Variants in GPAT4 observed in about 807,000 individuals in gnomAD.
GPAT4 encodes the protein glycerol-3-phosphate acyltransferase 4.
GPAT4 carries 17 observed loss-of-function variants against 58.0 expected under a neutral mutation model. The observed-to-expected ratio is 0.29, with a 90% CI of 0.20 to 0.44. The LOEUF (loss-of-function observed/expected upper bound fraction) is 0.44. GPAT4 is among the 20% of genes least tolerant of loss of function. The pLI, the probability that GPAT4 is intolerant of heterozygous loss-of-function variation, is 1.00. For missense variants in GPAT4, 377 were observed against 574.5 expected, an observed-to-expected ratio of 0.66 and a Z score of 3.51; for synonymous variants, 204 against 210.1, an observed-to-expected ratio of 0.97 and a Z score of 0.25.
At chr8:41,590,126 TC>T (rs949487414) in intron 1 of GPAT4, among the ~76,000 whole-genome samples, 1 of 151,944 alleles carries the variant, frequency 6.6e-6, no homozygotes, top group Non-Finnish European at 1.5e-5. Context: ...GCTTGCTACT[TC>T]TTTTTTTTTT....
In GPAT4 at chr8:41,609,794, C is replaced by T. The variant is rs1803388924; in HGVS notation, c.375C>T (p.Thr125=). The T allele has an allele frequency of 6.2e-7, 1 of 1,614,158 alleles. No individual in the cohort carries two copies. Among genetic ancestry groups the T allele is most frequent in the Non-Finnish European group, 8.5e-7 (1 of 1,180,036 alleles). ...ACTTTTGCCGGAAAGGAATGGAGAC[C>T]ATTATGGATGATGAGGTGACAAAGA... ...IFYFCRKGME[T]IMDDEVTKRF... is the part of the protein sequence containing the mutation. Residue 125 remains threonine (T), a synonymous_variant, in exon 4 of 13, where the codon ACC becomes ACT. Transcript: ENST00000396987.
intron 2 of GPAT4, among the ~76,000 whole-genome samples, chr8:41,605,047 G>A (rs923438019): frequency 1.3e-5 from 2 of 152,174 alleles, no homozygotes; most frequent in Non-Finnish European, 2.9e-5. Context: ...GGGGGAAGAC[G>A]AAAGGAAATA....
chr8:41,609,368 A>C (rs1384215141), intron 2 of GPAT4, 48 bp from the exon 3 acceptor site: 2 of 1,573,476 alleles, frequency 1.3e-6, no homozygotes, highest in Non-Finnish European at 1.7e-6. Context: ...CACTGATTGA[A>C]AACAGGTCTC....
intron 2 of GPAT4, among the ~76,000 whole-genome samples, chr8:41,605,050 A>G (rs963186254): frequency 3.9e-5 from 6 of 152,340 alleles, no homozygotes; most frequent in Admixed American, 2.6e-4. Context: ...GGAAGACGAA[A>G]GGAAATAGCT....
At chr8:41,588,671 G>A (rs1399435378) in intron 1 of GPAT4, among the ~76,000 whole-genome samples, 3 of 152,214 alleles carry the variant, frequency 2.0e-5, no homozygotes, top group African/African-American at 7.2e-5. Context: ...GCTAACACCT[G>A]ATGTACTGTC....
chr8:41,594,989 G>T (rs1192063499), intron 1 of GPAT4, among the ~76,000 whole-genome samples: 1 of 151,872 alleles, frequency 6.6e-6, no homozygotes, highest in East Asian at 1.9e-4. Flanking sequence ...TATGTCTGTG[G>T]ACTAGACTGT....
intron 5 of GPAT4, among the ~76,000 whole-genome samples, chr8:41,611,679 C>T (rs2150502485): frequency 6.6e-6 from 1 of 152,264 alleles, no homozygotes; most frequent in African/African-American, 2.4e-5. Flanking sequence ...TGTGAATTCT[C>T]CACCCACTGA....
intron 9 of GPAT4, among the ~76,000 whole-genome samples, 162 bp downstream of exon 9, chr8:41,614,603 G>A (rs1036937018): frequency 4.6e-5 from 7 of 152,176 alleles, no homozygotes; most frequent in Non-Finnish European, 8.8e-5. Context: ...AAAAACTCAG[G>A]TAAGTTCAGA....
At chr8:41,612,322 A>C (rs745524386) in intron 7 of GPAT4, 49 bp downstream of exon 7, 1 of 1,596,158 alleles carries the variant, frequency 6.3e-7, no homozygotes, top group Non-Finnish European at 8.6e-7. Context: ...CCTGCTTTAG[A>C]GTGGTCAGGG....
chr8:41,618,864 G>A lies in GPAT4; in HGVS notation c.1183-34G>A, dbSNP rs143110695. 3.0e-4 allele frequency: 482 copies of A among 1,614,218 alleles called. 1 individual carries two copies. In the African/African-American group the frequency reaches 5.4e-3, roughly 18 times the overall value. On this transcript the variant is annotated intron_variant, in intron 11 of 12. Transcript: ENST00000396987. ...CGCCTGCTCTGTGTAACGTCAAGCC[G>A]GGGCTGAGTGGTCTCATTTGTTCTT...
chr8:41,620,107 A>G (rs1026507549), intron 12 of GPAT4, among the ~76,000 whole-genome samples: 1 of 152,268 alleles, frequency 6.6e-6, no homozygotes, highest in Admixed American at 6.5e-5. Context: ...AAGTTTAACA[A>G]AGACAGAGTG....
chr8:41,603,463 T>C (rs1803159730), intron 2 of GPAT4, among the ~76,000 whole-genome samples: 1 of 149,294 alleles, frequency 6.7e-6, no homozygotes, highest in Non-Finnish European at 1.5e-5. Context: ...GAGGTGGAGG[T>C]TGCAGTGTAC....
intron 1 of GPAT4, among the ~76,000 whole-genome samples, chr8:41,595,044 T>C (rs567098449): frequency 1.2e-4 from 18 of 152,286 alleles, no homozygotes; most frequent in African/African-American, 4.1e-4. Flanking sequence ...TGTTACACTT[T>C]TAACTTTTAG....
intron 1 of GPAT4, among the ~76,000 whole-genome samples, chr8:41,585,265 C>CT (rs1418991256): frequency 5.3e-5 from 8 of 152,116 alleles, no homozygotes; most frequent in African/African-American, 1.7e-4. Context: ...GAAATGGATG[C>CT]TTTTTTCTGA....
intron 2 of GPAT4, among the ~76,000 whole-genome samples, chr8:41,601,965 T>G (rs1261900228): frequency 5.4e-5 from 5 of 93,402 alleles, no homozygotes; most frequent in African/African-American, 2.3e-4. Flanking sequence ...CCAAATGTAT[T>G]TATTTATGAG....
chr8:41,619,607 A>G (rs896337394), intron 12 of GPAT4, among the ~76,000 whole-genome samples: 5 of 152,164 alleles, frequency 3.3e-5, no homozygotes, highest in Non-Finnish European at 7.3e-5. Context: ...CAGCCCTTAT[A>G]CTAGAGTATG....
Position 41,614,443 on chromosome 8 carries a change from T to C in GPAT4, c.967+2T>C. ...TGCCTATCCTCATCTTCCCAGAAGG[T>C]AAGAAGGGGTTGGTTGCCACGAAGG... On this transcript the variant is annotated splice_donor_variant, in intron 9 of 12. Coordinates refer to ENST00000396987, the MANE Select transcript of GPAT4 (RefSeq NM_178819.4). LOFTEE classifies it high-confidence loss of function. 1 of 1,614,014 alleles carries C rather than the reference T, an allele frequency of 6.2e-7. No individual in the cohort carries two copies. Among genetic ancestry groups the C allele is most frequent in the Non-Finnish European group, 8.5e-7 (1 of 1,179,950 alleles).
At position 41,619,030 on chromosome 8, in the gene GPAT4, C is replaced by T. The variant is rs1051850501; in HGVS notation, c.1262+53C>T. 2.5e-6 allele frequency: 4 copies of T among 1,585,748 alleles called. No homozygotes were observed. In the Admixed American group the frequency reaches 6.7e-5, roughly 27 times the overall value. On this transcript the variant is annotated intron_variant, in intron 12 of 12. Coordinates refer to ENST00000396987, the MANE Select transcript of GPAT4 (RefSeq NM_178819.4). Reference sequence around the variant, plus strand: ...TGAGTTTCTGCAGCAGATGCTGTGTCATTGACTTCACTTACATGTCATTCC... The same window carrying T: ...TGAGTTTCTGCAGCAGATGCTGTGTTATTGACTTCACTTACATGTCATTCC...
chr8:41,610,453 T>G (rs1192860274), intron 4 of GPAT4: 1 of 1,301,450 alleles, frequency 7.7e-7, no homozygotes, highest in Non-Finnish European at 9.8e-7. Context: ...AGCAGCCCTG[T>G]GGCAGAATGG....
Sources: allele counts gnomAD v4.1 joint callset (sites outside exome capture counted in the v4.1 genomes callset), GRCh38; gene constraint gnomAD v4.1.1; transcripts MANE v1.5; gene names NCBI Gene and HGNC (gene_info 2026-07-23, HGNC 2026-07-21).